The following CAPZA1 variants were observed in gnomAD, a reference collection of about 807,000 sequenced individuals.
CAPZA1 encodes F-actin-capping protein subunit alpha-1.
Under a neutral mutation model 40.8 loss-of-function variants are expected in CAPZA1, and 10 were observed. The observed-to-expected ratio is 0.25, with a 90% CI of 0.15 to 0.42. The LOEUF is 0.42. Ranked by LOEUF, CAPZA1 falls within the 10% of genes least tolerant of loss-of-function variation. CAPZA1 has a pLI of 1.00. For synonymous variants in CAPZA1, 98 were observed against 115.0 expected (o/e 0.85, Z 0.95); for missense variants, 277 against 353.8 (o/e 0.78, Z 1.74).
intron 1 of CAPZA1, among the ~76,000 whole-genome samples, chr1:112,636,495 G>T (rs1671022180): frequency 1.3e-5 from 2 of 152,156 alleles, no homozygotes; most frequent in South Asian, 4.1e-4. Context: ...AGGAAATTAT[G>T]TAAAAGCCTC....
intron 1 of CAPZA1, among the ~76,000 whole-genome samples, chr1:112,646,428 G>A (rs745775579): frequency 4.0e-5 from 6 of 151,870 alleles, no homozygotes; most frequent in Non-Finnish European, 7.4e-5. Flanking sequence ...TAAAAATTAC[G>A]AAGTTAGGTG....
rs774313497 is a variant in CAPZA1 at position 112,667,126 on chromosome 1, A to G, written c.638A>G (p.Gln213Arg). The G allele has an allele frequency of 9.9e-6, 16 of 1,609,510 alleles. No individual in the cohort carries two copies. Among genetic ancestry groups the G allele is most frequent in the Non-Finnish European group, 1.3e-5 (15 of 1,176,662 alleles). Residue 213 changes from glutamine to arginine, a missense_variant, in exon 8 of 10, where the codon CAG (glutamine) becomes CGG (arginine). By Grantham distance (43) the Gln-to-Arg change is conservative. Coordinates refer to ENST00000263168, the MANE Select transcript of CAPZA1 (RefSeq NM_006135.3). ...NVQLVSHKDVQDSLTVSNEAQ... is the reference protein window; with the variant it reads ...NVQLVSHKDVRDSLTVSNEAQ... ...CAGTTGGTTAGTCATAAAGATGTAC[A>G]GGATTCACTAACTGTTTCGGTGAGT... is the stretch of plus-strand genomic sequence containing the variant.
intron 4 of CAPZA1, 69 bp downstream of exon 4, chr1:112,653,730 A>ACCTGGTTCAGACATCTGCTTTG: frequency 9.7e-7 from 1 of 1,035,582 alleles, no homozygotes; most frequent in Non-Finnish European, 1.5e-6. Flanking sequence ...AAACCAAAGC[A>ACCTGGTTCAGACATCTGCTTTG]GATGTCTGAA....
intron 4 of CAPZA1, among the ~76,000 whole-genome samples, chr1:112,653,862 TAAC>T (rs1210120185): frequency 6.6e-6 from 1 of 152,224 alleles, no homozygotes; most frequent in African/African-American, 2.4e-5. Context: ...AGCAGCCTCT[TAAC>T]AAGAACAGTG....
intron 1 of CAPZA1, among the ~76,000 whole-genome samples, chr1:112,622,488 A>G (rs1670695664): frequency 6.6e-6 from 1 of 152,224 alleles, no homozygotes; most frequent in Non-Finnish European, 1.5e-5. Flanking sequence ...ATCCTGAAAT[A>G]TGAGATGAAT....
chr1:112,644,421 C>A (rs1270839802), intron 1 of CAPZA1, among the ~76,000 whole-genome samples: 1 of 151,826 alleles, frequency 6.6e-6, no homozygotes, highest in Non-Finnish European at 1.5e-5. Context: ...GAAGTCCTGA[C>A]CTCAAGTGAT....
At chr1:112,647,130 A>T in intron 1 of CAPZA1, 80 bp from the exon 2 acceptor site, 1 of 681,056 alleles carries the variant, frequency 1.5e-6, no homozygotes, top group Non-Finnish European at 2.4e-6. Context: ...TATGATGAAA[A>T]TTTATAATTT....
chr1:112,630,092 G>A (rs187161203), intron 1 of CAPZA1, among the ~76,000 whole-genome samples: 394 of 152,132 alleles, frequency 2.6e-3, no homozygotes, highest in Non-Finnish European at 4.0e-3. Flanking sequence ...ACCAAGACTG[G>A]AGTTCAGTGG....
chr1:112,640,188 G>A (rs1194177624), intron 1 of CAPZA1, among the ~76,000 whole-genome samples: 1 of 119,504 alleles, frequency 8.4e-6, no homozygotes, highest in Non-Finnish European at 1.8e-5. Flanking sequence ...GGAGGGAGGT[G>A]GGGGGGTCAG....
At chr1:112,664,792 G>A (rs1432848584) in intron 7 of CAPZA1, among the ~76,000 whole-genome samples, 4 of 152,042 alleles carry the variant, frequency 2.6e-5, no homozygotes, top group South Asian at 2.1e-4. Flanking sequence ...AAAGTTAGCC[G>A]GGCGTGGTTG....
chr1:112,621,744 T>C, intron 1 of CAPZA1, among the ~76,000 whole-genome samples: 1 of 149,982 alleles, frequency 6.7e-6, no homozygotes, highest in Non-Finnish European at 1.5e-5. Flanking sequence ...TTAATAACAT[T>C]AATGTCTTGG....
chr1:112,647,188 T>C lies in CAPZA1; in HGVS notation c.40-22T>C, dbSNP rs771265059. ...TGTTACTCTTCATAATTCTCCTAAG[T>C]GTAAATTTTGTTTCTCTTTAGGTAC... On this transcript the variant is annotated intron_variant, in intron 1 of 9. Coordinates refer to ENST00000263168, the MANE Select transcript of CAPZA1 (RefSeq NM_006135.3). The C allele has an allele frequency of 3.8e-6, 5 of 1,305,218 alleles. No individual in the cohort carries two copies. The African/African-American group carries it at 7.4e-5, about 19-fold the overall frequency. 80.9% of individuals were successfully genotyped at this position (1,305,218 alleles called of 1,614,324 possible).
intron 7 of CAPZA1, among the ~76,000 whole-genome samples, chr1:112,660,797 T>C (rs1374011761): frequency 6.6e-6 from 1 of 151,850 alleles, no homozygotes; most frequent in Non-Finnish European, 1.5e-5. Context: ...CTGTATTATA[T>C]TATGTGAAGC....
intron 5 of CAPZA1, among the ~76,000 whole-genome samples, chr1:112,657,399 T>C (rs950619213): frequency 1.3e-5 from 2 of 152,150 alleles, no homozygotes; most frequent in East Asian, 3.8e-4. Context: ...TTCCTCTATC[T>C]ACTTCTGAAC....
intron 1 of CAPZA1, among the ~76,000 whole-genome samples, chr1:112,641,647 C>G (rs1257654702): frequency 6.6e-6 from 1 of 151,758 alleles, no homozygotes; most frequent in Non-Finnish European, 1.5e-5. Flanking sequence ...CCCAGCACTT[C>G]GGGAGGTGAG....
intron 1 of CAPZA1, among the ~76,000 whole-genome samples, chr1:112,646,950 A>G (rs1034753894): frequency 5.3e-5 from 8 of 152,284 alleles, no homozygotes; most frequent in Non-Finnish European, 1.0e-4. Flanking sequence ...GTATTTGGTC[A>G]AAAACTATTA....
chr1:112,656,854 AC>A (rs1671509167), intron 5 of CAPZA1, among the ~76,000 whole-genome samples: 1 of 151,844 alleles, frequency 6.6e-6, no homozygotes. Flanking sequence ...TTGTCCTCTG[AC>A]AGGCATCTAA....
chr1:112,662,641 G>A (rs140153204), intron 7 of CAPZA1, among the ~76,000 whole-genome samples: 33 of 151,762 alleles, frequency 2.2e-4, no homozygotes, highest in African/African-American at 7.3e-4. Flanking sequence ...CTTGTGATCC[G>A]CCTCCCTCAG....
intron 1 of CAPZA1, among the ~76,000 whole-genome samples, chr1:112,626,420 C>A (rs72699098): frequency 6.6e-6 from 1 of 150,972 alleles, no homozygotes; most frequent in African/African-American, 2.4e-5. Context: ...ATAGTGAGAT[C>A]CCGGTCTCTA....
Sources: gnomAD v4.1 joint callset for allele counts (sites outside exome capture counted in the v4.1 genomes callset) on GRCh38, gnomAD v4.1.1 for gene constraint, MANE v1.5 for transcripts, NCBI Gene and HGNC (gene_info 2026-07-23, HGNC 2026-07-21) for gene names.